Variants in FAM3B observed in about 807,000 individuals in gnomAD.
The protein encoded by FAM3B is protein FAM3B.
A neutral mutation model predicts 28.4 loss-of-function variants in FAM3B; 29 were observed. The ratio of observed to expected loss-of-function variants is 1.02; its 90% confidence interval spans 0.76 to 1.39. The LOEUF is 1.39. FAM3B is among the 40% of genes most tolerant of loss of function. The pLI is 0.00. For synonymous variants in FAM3B, 91 were observed against 103.0 expected (o/e 0.88, Z 0.71); for missense variants, 266 against 293.9 (o/e 0.91, Z 0.69).
chr21:41,328,467 C>T (rs897303141), intron 2 of FAM3B, among the ~76,000 whole-genome samples: 3 of 151,876 alleles, frequency 2.0e-5, no homozygotes, highest in Middle Eastern at 3.4e-3. Flanking sequence ...AGCAATTGGA[C>T]GTTTGCTTTA....
At chr21:41,318,429 A>G (rs1243208562) in intron 1 of FAM3B, among the ~76,000 whole-genome samples, 2 of 152,154 alleles carry the variant, frequency 1.3e-5, no homozygotes, top group Non-Finnish European at 2.9e-5. Flanking sequence ...AATACCTTGA[A>G]GTGGGCGTTG....
chr21:41,328,785 G>A (rs550470170), intron 2 of FAM3B, among the ~76,000 whole-genome samples: 40 of 152,318 alleles, frequency 2.6e-4, no homozygotes, highest in African/African-American at 9.6e-4. Context: ...AAGGAGGAAG[G>A]TCTGAAGGAG....
At chr21:41,350,233 T>C (rs1053308867) in intron 7 of FAM3B, among the ~76,000 whole-genome samples, 5 of 152,072 alleles carry the variant, frequency 3.3e-5, no homozygotes, top group African/African-American at 9.7e-5. Context: ...TGCACCCCAT[T>C]CTCCCCGGGA....
chr21:41,335,271 A>G (rs1381201967), intron 2 of FAM3B, among the ~76,000 whole-genome samples: 2 of 152,174 alleles, frequency 1.3e-5, no homozygotes, highest in African/African-American at 4.8e-5. Flanking sequence ...TGAGAAGGAC[A>G]AGATATTTGG....
chr21:41,319,982 GA>G (rs2088786746), intron 1 of FAM3B: 2 of 152,152 alleles, frequency 1.3e-5, no homozygotes, highest in Non-Finnish European at 2.9e-5. Flanking sequence ...AAGAAGAGGA[GA>G]TGAGGACACC....
chr21:41,333,347 T>C (rs1426775916), intron 2 of FAM3B, among the ~76,000 whole-genome samples: 1 of 152,202 alleles, frequency 6.6e-6, no homozygotes, highest in Non-Finnish European at 1.5e-5. Flanking sequence ...TGTGATTGGA[T>C]CATGGGAGTG....
intron 3 of FAM3B, among the ~76,000 whole-genome samples, chr21:41,343,095 C>T (rs1411446457): frequency 6.6e-6 from 1 of 152,172 alleles, no homozygotes; most frequent in Non-Finnish European, 1.5e-5. Flanking sequence ...CTCTCACTTT[C>T]AGGATTCAAC....
At chr21:41,356,251 G>GC (rs1886830451) in intron 7 of FAM3B, among the ~76,000 whole-genome samples, 1 of 152,008 alleles carries the variant, frequency 6.6e-6, no homozygotes, top group Non-Finnish European at 1.5e-5. Flanking sequence ...ATGCTCTTCA[G>GC]CTTACATCCC....
intron 2 of FAM3B, among the ~76,000 whole-genome samples, chr21:41,331,926 C>T (rs2088909454): frequency 6.6e-6 from 1 of 152,192 alleles, no homozygotes; most frequent in Non-Finnish European, 1.5e-5. Context: ...ATCATACTTG[C>T]ATCTGTCCTT....
intron 5 of FAM3B, chr21:41,346,089 A>G (rs1046710273): frequency 9.4e-6 from 2 of 212,226 alleles, no homozygotes; most frequent in South Asian, 6.3e-5. Flanking sequence ...CCTAAATATC[A>G]TCATCCTTTG....
At position 41,357,635 on chromosome 21, in the gene FAM3B, G is replaced by T. The variant is rs1399277489; in HGVS notation, c.*438G>T. Reference sequence around the variant, plus strand: ...TGGGAGAATTAGCAGCAGTTCAGGGGGCTTATGTTATGTCCTTGTTCAACT... The same window carrying T: ...TGGGAGAATTAGCAGCAGTTCAGGGTGCTTATGTTATGTCCTTGTTCAACT... On this transcript the variant is annotated 3_prime_UTR_variant, in exon 8 of 8. Coordinates refer to ENST00000357985, the MANE Select transcript of FAM3B (RefSeq NM_058186.4). Among the ~76,000 whole-genome samples the T allele has an allele frequency of 3.9e-5, 6 of 152,128 alleles. No individual in the cohort carries two copies. Among genetic ancestry groups the T allele is most frequent in the Admixed American group, 1.3e-4 (2 of 15,266 alleles).
chr21:41,344,490 A>T lies in FAM3B; in HGVS notation c.302A>T (p.Gln101Leu). 1 of 1,614,148 alleles carries T rather than the reference A, an allele frequency of 6.2e-7. No individual in the cohort carries two copies. Among genetic ancestry groups the T allele is most frequent in the Admixed American group, 1.7e-5 (1 of 60,028 alleles). ...CTCCATTTCAGACTTATGGGAGAAC[A>T]GCTGGGAAATGTTGCCAGAGGAATA... ...CFEDNLLMGE[Q>L]LGNVARGINI... Residue 101 changes from glutamine (Q) to leucine (L), a missense_variant, in exon 4 of 8, where the codon CAG (glutamine) becomes CTG (leucine). Physicochemically the swap from Gln to Leu is moderately radical, Grantham distance 113. Coordinates refer to ENST00000357985, the MANE Select transcript of FAM3B (RefSeq NM_058186.4).
Position 41,329,591 on chromosome 21 carries a change from A to G in FAM3B, c.163+6525A>G, listed in dbSNP as rs899049366. On this transcript the variant is annotated intron_variant, in intron 2 of 7. Coordinates refer to ENST00000357985, the MANE Select transcript of FAM3B (RefSeq NM_058186.4). The stretch of plus-strand genomic sequence containing the variant: ...CTTTTTCCTTTTTTTTTTTTTTGAG[A>G]TGAAGTCATGCTCTGTCATCCAAAC... Among the ~76,000 whole-genome samples the G allele has an allele frequency of 8.8e-5, 13 of 147,048 alleles. No individual in the cohort carries two copies. The Admixed American group carries it at 8.9e-4, about 10-fold the overall frequency.
intron 1 of FAM3B, among the ~76,000 whole-genome samples, chr21:41,306,888 C>T (rs1327087424): frequency 6.6e-6 from 1 of 152,224 alleles, no homozygotes; most frequent in African/African-American, 2.4e-5. Context: ...GGTAGTATTT[C>T]ATCCCTCACC....
In FAM3B at chr21:41,309,171, A is replaced by G. The variant is rs557112722; in HGVS notation, n.99+4861A>G. ...ACTGCTCAAGTGAGCACACAGCATC[A>G]TCCGCCTTCAGGACTAGCTAGTTAG... On this transcript the variant is annotated intron_variant and non_coding_transcript_variant, in intron 1 of 9. Transcript: ENST00000479810. Among the ~76,000 whole-genome samples the G allele has an allele frequency of 3.0e-4, 45 of 152,364 alleles. No homozygotes were observed. In the South Asian group the frequency reaches 3.7e-3, roughly 13 times the overall value.
intron 5 of FAM3B, 112 bp from the exon 6 acceptor site, chr21:41,346,901 C>A (rs1411684484): frequency 2.2e-6 from 2 of 928,312 alleles, no homozygotes; most frequent in East Asian, 2.4e-5. Context: ...GCGCTGGGAC[C>A]CCCAAGGATT....
intron 7 of FAM3B, 136 bp from the exon 8 acceptor site, chr21:41,356,972 T>C: frequency 2.6e-6 from 1 of 388,698 alleles, no homozygotes; most frequent in Non-Finnish European, 4.7e-6. Flanking sequence ...AAGAAATGTA[T>C]TGGAAATCAA....
intron 4 of FAM3B, 67 bp from the exon 5 acceptor site, chr21:41,345,619 C>G (rs2089049638): frequency 1.1e-6 from 1 of 895,616 alleles, no homozygotes. Context: ...TTCCCCAGGC[C>G]CTGGTGCCAC....
In FAM3B at chr21:41,338,397, A is replaced by G. The variant is rs1248469879; in HGVS notation, c.183A>G (p.Gln61=). 1.9e-6 allele frequency: 3 copies of G among 1,614,090 alleles called. No homozygotes were observed. The highest frequency in any genetic ancestry group is 2.5e-6 in the Non-Finnish European group (3 of 1,180,044). The change falls in exon 3 of 8, where the codon CAA becomes CAG. Residue 61 remains glutamine, a synonymous_variant. Transcript: ENST00000357985. ...TTACAGCTCCAGTCCCCAAAAGGCA[A>G]AAATGTGACCACTGGACTCCCTGCC... ...PVLKAPVPKR[Q]KCDHWTPCPS...
Sources: gnomAD v4.1 joint callset for allele counts (sites outside exome capture counted in the v4.1 genomes callset) on GRCh38, gnomAD v4.1.1 for gene constraint, MANE v1.5 for transcripts, NCBI Gene and HGNC (gene_info 2026-07-23, HGNC 2026-07-21) for gene names.